The following PRELID2 variants were observed in gnomAD, a reference collection of about 807,000 sequenced individuals.
The protein encoded by PRELID2 is PRELI domain-containing protein 2.
PRELID2 carries 25 observed loss-of-function variants against 28.4 expected under a neutral mutation model. That is an observed-to-expected ratio of 0.88 (90% CI 0.64 to 1.23). The LOEUF is 1.23. Among genes scored for constraint, PRELID2 ranks in the 50% most tolerant of loss-of-function variants. The probability of loss-of-function intolerance (pLI) is 0.00; values close to 1 mark genes in which losing one functional copy is unlikely to be tolerated. For synonymous variants in PRELID2, 76 were observed against 71.6 expected, an observed-to-expected ratio of 1.06 and a Z score of -0.31; for missense variants, 201 against 214.4, an observed-to-expected ratio of 0.94 and a Z score of 0.39.
At chr5:145,259,792 T>C in the PRELID2 span, among the ~76,000 whole-genome samples, 2 of 152,100 alleles carry the variant, frequency 1.3e-5, no homozygotes, top group African/African-American at 2.4e-5. Context: ...ATTTGGAGGA[T>C]TATGGGGAAG....
At chr5:145,474,038 TAAAGGA>T (rs750571710) in intron 1 of PRELID2, among the ~76,000 whole-genome samples, 3 of 152,140 alleles carry the variant, frequency 2.0e-5, no homozygotes, top group Non-Finnish European at 2.9e-5. Flanking sequence ...TTGGCTCCAC[TAAAGGA>T]AAAACCAATA....
intron 1 of PRELID2, among the ~76,000 whole-genome samples, chr5:145,664,442 C>T (rs1754550568): frequency 6.6e-6 from 1 of 152,074 alleles, no homozygotes; most frequent in Admixed American, 6.6e-5. Flanking sequence ...GCTCCTGTTG[C>T]CCTCCAAATG....
At chr5:145,767,265 C>T (rs1372372536) in intron 5 of PRELID2, among the ~76,000 whole-genome samples, 1 of 151,948 alleles carries the variant, frequency 6.6e-6, no homozygotes, top group Non-Finnish European at 1.5e-5. Flanking sequence ...ATGGCAGGAC[C>T]TCAGAGAGGA....
intron 1 of PRELID2, among the ~76,000 whole-genome samples, chr5:145,625,619 T>TA (rs2149654797): frequency 6.6e-6 from 1 of 151,872 alleles, no homozygotes; most frequent in African/African-American, 2.4e-5. Context: ...GGAGAAAACA[T>TA]AATGTATGTA....
At chr5:145,809,536 C>T (rs1309345991) in intron 4 of PRELID2, among the ~76,000 whole-genome samples, 1 of 152,256 alleles carries the variant, frequency 6.6e-6, no homozygotes, top group Non-Finnish European at 1.5e-5. Context: ...TTCCACCTTT[C>T]CCGGCCTCCC....
At chr5:145,623,105 G>T (rs1276019657) in intron 1 of PRELID2, among the ~76,000 whole-genome samples, 4 of 151,878 alleles carry the variant, frequency 2.6e-5, no homozygotes, top group Middle Eastern at 3.2e-3. Flanking sequence ...AAGATAGTTT[G>T]GTGGTCAGGA....
chr5:145,594,586 A>C lies in PRELID2; in HGVS notation n.71-121271T>G, dbSNP rs142863556. Reference sequence around the variant, plus strand: ...ATCACAGTATTATACATAAAACCAAAAATTGGAAATGACCTAAATGTCCAA... The same window carrying C: ...ATCACAGTATTATACATAAAACCAACAATTGGAAATGACCTAAATGTCCAA... On this transcript the variant is annotated intron_variant and non_coding_transcript_variant, in intron 1 of 2. Coordinates refer to the PRELID2 transcript ENST00000510259. Among the ~76,000 whole-genome samples the C allele has an allele frequency of 9.6e-4, 146 of 152,298 alleles. 1 individual carries two copies. The East Asian group carries it at 0.024, about 25-fold the overall frequency.
chr5:145,299,371 C>A, the PRELID2 span, among the ~76,000 whole-genome samples: 2 of 152,046 alleles, frequency 1.3e-5, no homozygotes, highest in South Asian at 2.1e-4. Context: ...ATATTGAGAT[C>A]AATTGCTATT....
At chr5:145,635,398 A>G (rs1480455798) in intron 1 of PRELID2, among the ~76,000 whole-genome samples, 2 of 152,140 alleles carry the variant, frequency 1.3e-5, no homozygotes, top group Non-Finnish European at 2.9e-5. Flanking sequence ...AATAATAGCA[A>G]TAATAATATT....
intron 1 of PRELID2, among the ~76,000 whole-genome samples, chr5:145,481,265 C>CAGT (rs1263958882): frequency 6.6e-6 from 1 of 151,918 alleles, no homozygotes; most frequent in African/African-American, 2.4e-5. Flanking sequence ...GGTTTGTTTT[C>CAGT]AGTAGCTTTT....
At chr5:145,825,064 A>G (rs1755083217) in intron 1 of PRELID2, among the ~76,000 whole-genome samples, 1 of 151,526 alleles carries the variant, frequency 6.6e-6, no homozygotes, top group Non-Finnish European at 1.5e-5. Flanking sequence ...TGTCTCTACT[A>G]AAAATACAAA....
At chr5:145,407,311 C>G in the PRELID2 span, among the ~76,000 whole-genome samples, 4 of 152,156 alleles carry the variant, frequency 2.6e-5, no homozygotes, top group African/African-American at 9.7e-5. Context: ...GCCTTGCTGG[C>G]TCTGGATAAG....
chr5:145,408,061 G>C, the PRELID2 span, among the ~76,000 whole-genome samples: 5 of 152,028 alleles, frequency 3.3e-5, no homozygotes, highest in Admixed American at 2.6e-4. Flanking sequence ...AATTACTGCT[G>C]TCTGGCTCTC....
At chr5:145,821,219 CTG>C (rs1234241639) in intron 2 of PRELID2, among the ~76,000 whole-genome samples, 1,883 of 100,900 alleles carry the variant, frequency 0.019, 44 homozygotes, top group African/African-American at 0.061. Flanking sequence ...AAGTCCTCTT[CTG>C]TGTGTGTGTA....
chr5:145,388,625 A>T, the PRELID2 span, among the ~76,000 whole-genome samples: 1 of 151,978 alleles, frequency 6.6e-6, no homozygotes, highest in Non-Finnish European at 1.5e-5. Flanking sequence ...CTTTTTCTTT[A>T]TTCTCCTTTA....
chr5:145,576,158 G>T (rs542663491), intron 1 of PRELID2, among the ~76,000 whole-genome samples: 3 of 152,242 alleles, frequency 2.0e-5, no homozygotes, highest in Admixed American at 2.0e-4. Context: ...CATTTAAAGT[G>T]TGCAAGTCAA....
chr5:145,724,210 A>G (rs1756067039), intron 1 of PRELID2, among the ~76,000 whole-genome samples: 1 of 152,132 alleles, frequency 6.6e-6, no homozygotes, highest in East Asian at 1.9e-4. Context: ...GTAACGGTAT[A>G]AATTGGTATC....
At chr5:145,355,139 T>C in the PRELID2 span, among the ~76,000 whole-genome samples, 2 of 152,136 alleles carry the variant, frequency 1.3e-5, no homozygotes, top group Non-Finnish European at 2.9e-5. Context: ...ATTATGACAA[T>C]AAAATTTAAT....
At chr5:145,370,533 T>C in the PRELID2 span, among the ~76,000 whole-genome samples, 1 of 152,174 alleles carries the variant, frequency 6.6e-6, no homozygotes, top group Non-Finnish European at 1.5e-5. Flanking sequence ...ATCCTTGTAG[T>C]ACAGTTTGAA....
Sources: gnomAD v4.1 joint callset for allele counts (sites outside exome capture counted in the v4.1 genomes callset) on GRCh38, gnomAD v4.1.1 for gene constraint, MANE v1.5 for transcripts, NCBI Gene and HGNC (gene_info 2026-07-23, HGNC 2026-07-21) for gene names.